PLEC: variants seen among roughly 807,000 people sequenced by gnomAD.
PLEC encodes plectin.
In PLEC, 216 loss-of-function variants were observed where a neutral mutation model predicts 392.8. The observed-to-expected ratio is 0.55, with a 90% CI of 0.49 to 0.62. PLEC has a LOEUF of 0.62. Among genes scored for constraint, PLEC ranks in the 20% least tolerant of loss-of-function variants. The probability of loss-of-function intolerance (pLI) is 0.00; values close to 1 mark genes in which losing one functional copy is unlikely to be tolerated. For synonymous variants in PLEC, 3,621 were observed against 2,980.6 expected (o/e 1.21, Z -7.00); for missense variants, 6,863 against 6,563.4 (o/e 1.05, Z -1.58).
At position 143,924,238 on chromosome 8, in the gene PLEC, C is replaced by T. The variant is rs782650926; in HGVS notation, c.5691G>A (p.Gln1897=). The T allele has an allele frequency of 1.3e-6, 2 of 1,598,508 alleles. No individual in the cohort carries two copies. Among genetic ancestry groups the T allele is most frequent in the South Asian group, 2.2e-5 (2 of 91,040 alleles). Residue 1897 remains glutamine, a synonymous_variant, in exon 31 of 32, where the codon CAG becomes CAA. Transcript: ENST00000345136. ...GCTCGCTGTCCGATGCCTTGCGCAG[C>T]TGGGCCAGGCGCTCCTCGATGTCAG... ...HKADIEERLA[Q]LRKASDSELE...
Position 143,932,458 on chromosome 8 carries a change from A to ACCTCCTCCT in PLEC, c.1910_1918dup (p.Glu637_Glu639dup). 6.2e-7 allele frequency: 1 copy of ACCTCCTCCT among 1,612,272 alleles called. No individual in the cohort carries two copies. The highest frequency in any genetic ancestry group is 8.5e-7 in the Non-Finnish European group (1 of 1,179,842). ...GTTGCGGTCGCTCCAGTCGAAGCCC[A>ACCTCCTCCT]CCTCCTCCTCCTCCTTCTCATTCAG... is the stretch of plus-strand genomic sequence containing the variant. On this transcript the variant is annotated inframe_insertion, in exon 16 of 32. Coordinates refer to ENST00000345136, the MANE Select transcript of PLEC (RefSeq NM_201384.3).
chr8:143,917,030 C>G lies in PLEC; in HGVS notation c.12791G>C (p.Arg4264Thr), dbSNP rs781820750. 6.2e-7 allele frequency: 1 copy of G among 1,611,532 alleles called. No individual in the cohort carries two copies. Among genetic ancestry groups the G allele is most frequent in the African/African-American group, 1.3e-5 (1 of 75,020 alleles). The change falls in exon 32 of 32, where the codon AGG (arginine) becomes ACG (threonine). Residue 4264 changes from arginine (R) to threonine (T), a missense_variant. By Grantham distance (71) the Arg-to-Thr change is moderately conservative. Transcript: ENST00000345136. ...GTCTGACCAGGAGGCCAGCTGGGTC[C>G]TGGAGACGGCGGGGCTGATGGGGTA... Reference protein sequence around the residue: ...SSYPISPAVSRTQLASWSDPT... With the variant: ...SSYPISPAVSTTQLASWSDPT...
chr8:143,948,089 G>A (rs1462732873), intron 1 of PLEC, among the ~76,000 whole-genome samples: 2 of 152,254 alleles, frequency 1.3e-5, no homozygotes, highest in Admixed American at 6.5e-5. Flanking sequence ...GCAGGTGGAC[G>A]GATGGCTTCC....
At chr8:143,933,588 T>A (rs782320611) in intron 12 of PLEC, among the ~76,000 whole-genome samples, 3 of 152,068 alleles carry the variant, frequency 2.0e-5, no homozygotes, top group Non-Finnish European at 4.4e-5. Context: ...CCCATGACCA[T>A]GTCTGTGGGG....
chr8:143,946,209 G>A, intron 1 of PLEC: 1 of 490,580 alleles, frequency 2.0e-6, no homozygotes, highest in South Asian at 1.9e-5. Flanking sequence ...CCCTGGGGCA[G>A]CTCCGAGAGG....
chr8:143,941,260 G>T (rs909932685), upstream of PLEC, among the ~76,000 whole-genome samples: 1 of 152,182 alleles, frequency 6.6e-6, no homozygotes, highest in Admixed American at 6.5e-5. Context: ...TGAGATCCCG[G>T]AACAGCCAGG....
rs782122524 is a variant in PLEC at position 143,919,987 on chromosome 8, C to T, written c.9834G>A (p.Lys3278=). The T allele has an allele frequency of 1.9e-6, 3 of 1,613,222 alleles. No homozygotes were observed. The highest frequency in any genetic ancestry group is 1.6e-4 in the Middle Eastern group (1 of 6,084). The change falls in exon 32 of 32, where the codon AAG becomes AAA. Residue 3278 remains lysine (K), a synonymous_variant. Transcript: ENST00000345136. ...QELLRQFRTG[K]VTVEKVIKIL... ...TCTTGATGACCTTCTCCACGGTGAC[C>T]TTGCCCGTGCGGAACTGACGCAACA...
rs782632148 is a variant in PLEC at position 143,935,023 on chromosome 8, C to A, written c.813G>T (p.Gly271=). 3.1e-6 allele frequency: 5 copies of A among 1,612,654 alleles called. No homozygotes were observed. Among genetic ancestry groups the A allele is most frequent in the Non-Finnish European group, 3.4e-6 (4 of 1,179,854 alleles). The change falls in exon 8 of 32, where the codon GGG becomes GGT. Residue 271 remains glycine, a synonymous_variant. Coordinates refer to ENST00000345136, the MANE Select transcript of PLEC (RefSeq NM_201384.3). ...GCCCCCCACTCACGTTGGCCCTCAC[C>A]CCATCCTGCACGTCCGGCACGCGGG... ...AMPRVPDVQD[G]VRANELQLRW...
chr8:143,976,141 G>T (rs1554745983), upstream of PLEC, among the ~76,000 whole-genome samples: 1 of 152,256 alleles, frequency 6.6e-6, no homozygotes, highest in Non-Finnish European at 1.5e-5. Flanking sequence ...CTCTGCTGCA[G>T]CGAGGCCGGG....
Position 143,916,250 on chromosome 8 carries a change from G to A in PLEC, c.13571C>T (p.Ser4524Phe). Reference protein sequence around the residue: ...SMTFSSSSYSSSGYGRRYASG... With the variant: ...SMTFSSSSYSFSGYGRRYASG... The stretch of plus-strand genomic sequence containing the variant: ...GGCGTAGCGGCGGCCGTAGCCCGAG[G>A]AGGAGTAGGAGGATGAAGAGAAGGT... The change falls in exon 32 of 32, where the codon TCC (serine) becomes TTC (phenylalanine). Residue 4524 changes from serine to phenylalanine, a missense_variant. Ser to Phe is a radical substitution (Grantham distance 155). Transcript: ENST00000345136. The A allele has an allele frequency of 6.5e-7, 1 of 1,547,888 alleles. No homozygotes were observed. Among genetic ancestry groups the A allele is most frequent in the Non-Finnish European group, 8.7e-7 (1 of 1,146,378 alleles).
upstream of PLEC, among the ~76,000 whole-genome samples, chr8:143,940,864 C>G (rs1210842015): frequency 2.0e-5 from 3 of 152,192 alleles, no homozygotes; most frequent in African/African-American, 7.2e-5. Context: ...CCACATCGTA[C>G]ACGCCGCCCA....
chr8:143,933,527 G>T (rs1828030489), intron 12 of PLEC, among the ~76,000 whole-genome samples, 176 bp from the exon 13 acceptor site: 1 of 152,108 alleles, frequency 6.6e-6, no homozygotes, highest in Non-Finnish European at 1.5e-5. Context: ...TGGCCTTCTG[G>T]GGGATTGGGA....
intron 1 of PLEC, chr8:143,946,222 G>T: frequency 3.4e-6 from 2 of 583,748 alleles, no homozygotes; most frequent in Non-Finnish European, 5.3e-6. Flanking sequence ...CCGAGAGGGG[G>T]CTGTGCCTAT....
At chr8:143,928,424 G>A (rs1193328275) in intron 25 of PLEC, among the ~76,000 whole-genome samples, 3 of 152,290 alleles carry the variant, frequency 2.0e-5, no homozygotes, top group South Asian at 4.1e-4. Flanking sequence ...TGCTGGTTCT[G>A]TGAGGAGTAG....
At position 143,917,618 on chromosome 8, in the gene PLEC, T is replaced by C. The variant is rs782438173; in HGVS notation, c.12203A>G (p.Lys4068Arg). 4 of 1,613,750 alleles carry C rather than the reference T, an allele frequency of 2.5e-6. No homozygotes were observed. Among genetic ancestry groups the C allele is most frequent in the South Asian group, 1.1e-5 (1 of 91,084 alleles). The change falls in exon 32 of 32, where the codon AAG becomes AGG. Residue 4068 changes from lysine to arginine, a missense_variant. Lys to Arg is a conservative substitution (Grantham distance 26). Coordinates refer to ENST00000345136, the MANE Select transcript of PLEC (RefSeq NM_201384.3). ...SHRLPVEVAY[K>R]RGLFDEEMNE... ...CATCTCCTCATCGAAGAGGCCGCGC[T>C]TGTAGGCCACCTCCACGGGCAGCCG... is the stretch of plus-strand genomic sequence containing the variant.
rs1390682176 is a variant in PLEC, at chr8:143,922,026, G to T, written c.7795C>A (p.Gln2599Lys). 3 of 1,597,210 alleles carry T rather than the reference G, an allele frequency of 1.9e-6. No individual in the cohort carries two copies. Among genetic ancestry groups the T allele is most frequent in the Non-Finnish European group, 1.7e-6 (2 of 1,179,400 alleles). ...EENQRLREQL[Q>K]LLEEQHRAAL... is the part of the protein sequence containing the mutation. ...GCCCGGTGCTGCTCCTCCAGGAGCT[G>T]CAGCTGCTCACGCAGCCTCTGGTTC... Residue 2599 changes from glutamine (Q) to lysine (K), a missense_variant, in exon 32 of 32, where the codon CAG (glutamine) becomes AAG (lysine). By Grantham distance (53) the Gln-to-Lys change is moderately conservative. Coordinates refer to ENST00000345136, the MANE Select transcript of PLEC (RefSeq NM_201384.3).
upstream of PLEC, among the ~76,000 whole-genome samples, chr8:143,954,811 CTGGTAGTG>C (rs1456167156): frequency 2.0e-5 from 3 of 152,180 alleles, no homozygotes; most frequent in African/African-American, 7.2e-5. The surrounding 1 kb of genome is among the most constrained non-coding windows in gnomAD (Gnocchi z 4.6). Flanking sequence ...CCAGTCCGTG[CTGGTAGTG>C]TGGGGCAGGA....
At chr8:143,949,733 A>G (rs1831908618) in intron 1 of PLEC, among the ~76,000 whole-genome samples, 2 of 152,034 alleles carry the variant, frequency 1.3e-5, no homozygotes, top group South Asian at 4.1e-4. Flanking sequence ...ACCAAGCCTC[A>G]CCCATCAACC....
rs112726165 is a variant in PLEC, at chr8:143,928,588, C to T, written c.3260+515G>A. 9.9e-3 allele frequency among the ~76,000 whole-genome samples: 908 copies of T among 91,452 alleles called. 8 individuals are homozygous for T. In the African/African-American group the frequency reaches 0.11, roughly 12 times the overall value. The allele number at this position is 91,452 out of a possible 152,430, so 60.0% of individuals were successfully genotyped here. ...CTGTGCTGGTTCTGTGAGGAGTAGA[C>T]AGCGGGTGGACCTGTGGTTTGCAAC... On this transcript the variant is annotated intron_variant, in intron 25 of 31. Coordinates refer to ENST00000345136, the MANE Select transcript of PLEC (RefSeq NM_201384.3).
Sources: gnomAD v4.1 joint callset for allele counts (sites outside exome capture counted in the v4.1 genomes callset) on GRCh38, gnomAD v4.1.1 for gene constraint, Gnocchi (gnomAD v3.1) non-coding constraint, MANE v1.5 for transcripts, NCBI Gene and HGNC (gene_info 2026-07-23, HGNC 2026-07-21) for gene names.